Variants in B3GALT1 observed in about 807,000 individuals in gnomAD.
B3GALT1 encodes the protein beta-1,3-galactosyltransferase 1.
A neutral mutation model predicts 23.2 loss-of-function variants in B3GALT1; 10 were observed. That is an observed-to-expected ratio of 0.43 (90% CI 0.27 to 0.73). The LOEUF (loss-of-function observed/expected upper bound fraction) is 0.73, where lower values mean the gene tolerates loss of function less well. Ranked by LOEUF, B3GALT1 falls within the 30% of genes least tolerant of loss-of-function variation. The pLI is 0.21. For missense variants in B3GALT1, 299 were observed against 405.4 expected (o/e 0.74, Z 2.25); for synonymous variants, 156 against 141.5 (o/e 1.10, Z -0.73).
At chr2:167,562,976 C>A (rs907394636) in intron 2 of B3GALT1, among the ~76,000 whole-genome samples, 1 of 152,106 alleles carries the variant, frequency 6.6e-6, no homozygotes. Context: ...GCAAGGTCAC[C>A]GATCAACAGG....
chr2:167,565,234 C>A (rs1391738406), intron 2 of B3GALT1, among the ~76,000 whole-genome samples: 1 of 152,092 alleles, frequency 6.6e-6, no homozygotes, highest in African/African-American at 2.4e-5. Flanking sequence ...TTTGACAAAC[C>A]TGAGAAAAAG....
chr2:167,429,563 G>GA (rs1698677089), intron 1 of B3GALT1, among the ~76,000 whole-genome samples: 1 of 151,988 alleles, frequency 6.6e-6, no homozygotes, highest in South Asian at 2.1e-4. Flanking sequence ...CTCAAATAGT[G>GA]AAAATTTTTT....
At chr2:167,600,999 A>T (rs889563845) in intron 2 of B3GALT1, among the ~76,000 whole-genome samples, 74 of 152,236 alleles carry the variant, frequency 4.9e-4, no homozygotes, top group African/African-American at 1.8e-3. Flanking sequence ...ATTGAACTAG[A>T]TTATTATACC....
intron 2 of B3GALT1, among the ~76,000 whole-genome samples, chr2:167,590,545 A>G (rs375852728): frequency 3.9e-5 from 6 of 152,174 alleles, no homozygotes; most frequent in East Asian, 3.9e-4. Context: ...AAGGGGGGAA[A>G]AAAAAGAAAT....
At chr2:167,670,015 T>A (rs920440644) in intron 3 of B3GALT1, among the ~76,000 whole-genome samples, 5 of 152,198 alleles carry the variant, frequency 3.3e-5, no homozygotes, top group African/African-American at 1.2e-4. Context: ...AAGAGGCTCA[T>A]TGAAAAATCT....
At chr2:167,681,979 A>G (rs1311345814) in intron 3 of B3GALT1, among the ~76,000 whole-genome samples, 1 of 152,236 alleles carries the variant, frequency 6.6e-6, no homozygotes, top group Non-Finnish European at 1.5e-5. Flanking sequence ...CCATATTCCA[A>G]TAATTCTAAA....
intron 1 of B3GALT1, among the ~76,000 whole-genome samples, chr2:167,331,987 C>A (rs184493046): frequency 1.3e-5 from 2 of 152,282 alleles, no homozygotes; most frequent in Non-Finnish European, 2.9e-5. Flanking sequence ...GGTTGCAGGG[C>A]AGGATGCAGT....
intron 2 of B3GALT1, among the ~76,000 whole-genome samples, chr2:167,633,507 C>T (rs1040485551): frequency 6.0e-5 from 9 of 150,144 alleles, no homozygotes; most frequent in Non-Finnish European, 6.0e-5. Flanking sequence ...AAAATAGCAA[C>T]AACAAAAAAA....
At chr2:167,480,884 T>C (rs1022535142) in intron 1 of B3GALT1, among the ~76,000 whole-genome samples, 1 of 152,180 alleles carries the variant, frequency 6.6e-6, no homozygotes, top group African/African-American at 2.4e-5. Context: ...TCTACACTCC[T>C]TTTGTTTCAC....
chr2:167,820,112 T>C lies in B3GALT1; in HGVS notation c.-230+1319T>C, dbSNP rs565915907. ...GAGTATTTTAAATATATGAAGCCGATTGGGTACTTTTGAGAACAGCTTTAT... is the reference window on the plus strand; with the variant it reads ...GAGTATTTTAAATATATGAAGCCGACTGGGTACTTTTGAGAACAGCTTTAT... On this transcript the variant is annotated intron_variant, in intron 4 of 4. Coordinates refer to ENST00000392690, the MANE Select transcript of B3GALT1 (RefSeq NM_020981.4). Among the ~76,000 whole-genome samples the C allele has an allele frequency of 2.0e-5, 3 of 152,286 alleles. No individual in the cohort carries two copies. The South Asian group carries it at 6.2e-4, about 32-fold the overall frequency.
intron 1 of B3GALT1, among the ~76,000 whole-genome samples, chr2:167,469,641 C>T (rs1004209193): frequency 2.0e-5 from 3 of 152,078 alleles, no homozygotes; most frequent in East Asian, 1.9e-4. Flanking sequence ...CTACCAAATA[C>T]TTATGATTGT....
chr2:167,711,101 C>G (rs987239735), intron 3 of B3GALT1, among the ~76,000 whole-genome samples: 3 of 152,038 alleles, frequency 2.0e-5, no homozygotes, highest in Admixed American at 1.3e-4. Context: ...GCTACTCTTG[C>G]CTTTATCTCT....
intron 2 of B3GALT1, among the ~76,000 whole-genome samples, chr2:167,529,734 A>G (rs964704787): frequency 6.6e-6 from 1 of 151,552 alleles, no homozygotes; most frequent in Admixed American, 6.6e-5. Context: ...CTTGTTGGTT[A>G]TATCTCAAAA....
chr2:167,780,469 C>T (rs1264415284), intron 3 of B3GALT1, among the ~76,000 whole-genome samples: 2 of 152,214 alleles, frequency 1.3e-5, no homozygotes, highest in Non-Finnish European at 2.9e-5. Flanking sequence ...AACACTTGTT[C>T]ATTGGCAGGC....
intron 2 of B3GALT1, among the ~76,000 whole-genome samples, chr2:167,607,462 AC>A (rs1684985291): frequency 6.6e-6 from 1 of 152,180 alleles, no homozygotes; most frequent in Non-Finnish European, 1.5e-5. Context: ...CTTATTACTT[AC>A]GATCTTACTG....
At position 167,869,999 on chromosome 2, in the gene B3GALT1, C is replaced by G; in HGVS notation, c.960C>G (p.Ser320Arg). ...EMHRIWNDMS[S>R]KKHLRC ...ACAGAATCTGGAATGACATGTCAAG[C>G]AAGAAACATCTCAGATGTTAGGATT... Residue 320 changes from serine (S) to arginine (R), a missense_variant, in exon 5 of 5, where the codon AGC becomes AGG. Physicochemically the swap from Ser to Arg is moderately radical, Grantham distance 110. This residue lies in a region of B3GALT1 where 133 missense variants were observed against 204.8 expected (regional missense o/e 0.65). Transcript: ENST00000392690. The surrounding 1 kb of genome is among the most constrained non-coding windows in gnomAD (Gnocchi z 6.4). The G allele has an allele frequency of 6.2e-7, 1 of 1,602,656 alleles. No homozygotes were observed. Among genetic ancestry groups the G allele is most frequent in the South Asian group, 1.1e-5 (1 of 90,426 alleles).
intron 3 of B3GALT1, among the ~76,000 whole-genome samples, chr2:167,709,410 TA>T (rs1401063645): frequency 6.6e-6 from 1 of 152,176 alleles, no homozygotes; most frequent in East Asian, 1.9e-4. Flanking sequence ...GGGAAAGAAA[TA>T]AACCTTTAAT....
chr2:167,516,568 A>G (rs1056333087), intron 2 of B3GALT1, among the ~76,000 whole-genome samples: 7 of 152,058 alleles, frequency 4.6e-5, no homozygotes, highest in African/African-American at 1.7e-4. Context: ...AGGCCTCTAT[A>G]TACTTATTTG....
chr2:167,716,981 G>A (rs1293935943), intron 3 of B3GALT1, among the ~76,000 whole-genome samples: 1 of 152,042 alleles, frequency 6.6e-6, no homozygotes. Flanking sequence ...CAAATTTGTA[G>A]TATAATTGTC....
Sources: gnomAD v4.1 joint callset for allele counts (sites outside exome capture counted in the v4.1 genomes callset) on GRCh38, gnomAD v4.1.1 for gene constraint, gnomAD v4.1.1 regional missense constraint, Gnocchi (gnomAD v3.1) non-coding constraint, MANE v1.5 for transcripts, NCBI Gene and HGNC (gene_info 2026-07-23, HGNC 2026-07-21) for gene names.